The following ACO2 variants were observed in gnomAD, a reference collection of about 807,000 sequenced individuals.
ACO2 encodes aconitase 2.
A neutral mutation model predicts 84.5 loss-of-function variants in ACO2; 31 were observed. The observed-to-expected ratio is 0.37, with a 90% CI of 0.28 to 0.50. The LOEUF (loss-of-function observed/expected upper bound fraction) is 0.50. ACO2 is among the 20% of genes least tolerant of loss of function. The probability of loss-of-function intolerance (pLI) is 0.97; values close to 1 mark genes in which losing one functional copy is unlikely to be tolerated. For synonymous variants in ACO2, 414 were observed against 412.7 expected, an observed-to-expected ratio of 1.00 and a Z score of -0.04; for missense variants, 685 against 1,029.3, an observed-to-expected ratio of 0.67 and a Z score of 4.58.
intron 1 of ACO2, among the ~76,000 whole-genome samples, chr22:41,484,106 G>C (rs562897509): frequency 3.0e-4 from 45 of 152,296 alleles, no homozygotes; most frequent in African/African-American, 9.9e-4. Context: ...TGGGACTTGA[G>C]TCCTGGTTTC....
At chr22:41,470,723 A>G (rs1301029116) in intron 1 of ACO2, among the ~76,000 whole-genome samples, 2 of 151,786 alleles carry the variant, frequency 1.3e-5, no homozygotes, top group South Asian at 2.1e-4. Context: ...TTGTATTTTT[A>G]GTAGAGACGG....
intron 11 of ACO2, 30 bp from the exon 12 acceptor site, chr22:41,523,800 T>G (rs752083092): frequency 6.3e-7 from 1 of 1,589,098 alleles, no homozygotes; most frequent in Admixed American, 1.7e-5. Context: ...AGGCCAGATA[T>G]CCCTAACCCT....
chr22:41,527,563 G>A (rs763508818), intron 16 of ACO2, 143 bp downstream of exon 16: 4 of 1,187,960 alleles, frequency 3.4e-6, no homozygotes, highest in African/African-American at 1.5e-5. Context: ...CCCCTTCTTA[G>A]GCTCACACAG....
In ACO2 at chr22:41,517,621, C is replaced by T. The variant is rs148465407; in HGVS notation, c.930C>T (p.Thr310=). The change falls in exon 7 of 18, where the codon ACC becomes ACT. Residue 310 remains threonine (T), a synonymous_variant. Transcript: ENST00000216254. ...NHRMKKYLSK[T]GREDIANLAD... Reference sequence around the variant, plus strand: ...GGATGAAGAAGTACCTGAGCAAGACCGGCCGGGAAGGTGAGCTGGCAGGGG... The same window carrying T: ...GGATGAAGAAGTACCTGAGCAAGACTGGCCGGGAAGGTGAGCTGGCAGGGG... The T allele has an allele frequency of 4.8e-5, 78 of 1,613,826 alleles. 1 individual carries two copies. Among genetic ancestry groups the T allele is most frequent in the African/African-American group, 1.9e-4 (14 of 74,934 alleles).
At chr22:41,481,599 T>C (rs146477772) in intron 1 of ACO2, among the ~76,000 whole-genome samples, 167 of 152,382 alleles carry the variant, frequency 1.1e-3, no homozygotes, top group African/African-American at 3.9e-3. Flanking sequence ...GGGCAGCATG[T>C]CTGACTTTGG....
chr22:41,518,426 T>G (rs1601920375), intron 7 of ACO2, 55 bp from the exon 8 acceptor site: 3 of 1,410,010 alleles, frequency 2.1e-6, no homozygotes, highest in South Asian at 2.3e-5. Flanking sequence ...GTGAGTGAAC[T>G]CTCAAGAACA....
chr22:41,518,891 A>G (rs1354628043), intron 8 of ACO2, among the ~76,000 whole-genome samples: 1 of 152,210 alleles, frequency 6.6e-6, no homozygotes, highest in African/African-American at 2.4e-5. Context: ...GGTTGCAGTC[A>G]GCCGAGATCG....
At chr22:41,496,934 A>G (rs2066318164) in intron 1 of ACO2, among the ~76,000 whole-genome samples, 1 of 151,992 alleles carries the variant, frequency 6.6e-6, no homozygotes, top group African/African-American at 2.4e-5. Flanking sequence ...CAGCGTTTGG[A>G]TTATATATCC....
At chr22:41,509,483 G>A (rs2066418376) in intron 3 of ACO2, among the ~76,000 whole-genome samples, 1 of 152,126 alleles carries the variant, frequency 6.6e-6, no homozygotes, top group Non-Finnish European at 1.5e-5. Flanking sequence ...GCGGGACTTG[G>A]TCAGTATAAA....
intron 1 of ACO2, among the ~76,000 whole-genome samples, chr22:41,474,526 C>T (rs1389382900): frequency 6.7e-6 from 1 of 149,632 alleles, no homozygotes; most frequent in Non-Finnish European, 1.5e-5. Flanking sequence ...ATCTCCTGAC[C>T]TCATGATCCG....
rs61736478 is a variant in ACO2, at chr22:41,527,927, C to T, written c.2113C>T (p.Leu705=). The T allele has an allele frequency of 6.3e-5, 101 of 1,614,084 alleles. No individual in the cohort carries two copies. In the Admixed American group the frequency reaches 1.6e-3, roughly 26 times the overall value. ...GACCAACCTGAAGAAACAGGGCCTGCTGCCTCTGACCTTCGCTGACCCGGC... is the reference window on the plus strand; with the variant it reads ...GACCAACCTGAAGAAACAGGGCCTGTTGCCTCTGACCTTCGCTGACCCGGC... The part of the protein sequence containing the change: ...HETNLKKQGL[L]PLTFADPADY... The change falls in exon 17 of 18, where the codon CTG becomes TTG. Residue 705 remains leucine (L), a synonymous_variant. Coordinates refer to ENST00000216254, the MANE Select transcript of ACO2 (RefSeq NM_001098.3).
At position 41,515,554 on chromosome 22, in the gene ACO2, T is replaced by G; in HGVS notation, c.684+19T>G. ...CCCCAAGGTGAGGGTGGGGAGGGAC[T>G]CATTCTGGGCTGGCTGTGGGGTGGT... On this transcript the variant is annotated intron_variant, in intron 5 of 17. Transcript: ENST00000216254. This position sits in a 1 kb window ranked among gnomAD's most constrained non-coding sequence, Gnocchi z 5.8. 6.3e-7 allele frequency: 1 copy of G among 1,599,510 alleles called. No homozygotes were observed. Among genetic ancestry groups the G allele is most frequent in the Non-Finnish European group, 8.5e-7 (1 of 1,172,472 alleles).
chr22:41,511,743 C>G (rs2066434352), intron 3 of ACO2, 133 bp from the exon 4 acceptor site: 1 of 621,448 alleles, frequency 1.6e-6, no homozygotes, highest in Non-Finnish European at 2.7e-6. Context: ...TAGAAGGTCT[C>G]TAAGAGAGGG....
rs1311508638 is a variant in ACO2 at position 41,469,142 on chromosome 22, A to T, written c.-5A>T. On this transcript the variant is annotated 5_prime_UTR_variant, in exon 1 of 18. Coordinates refer to ENST00000216254, the MANE Select transcript of ACO2 (RefSeq NM_001098.3). ...AATGCGACCTCATCTTTGTCAGTGC[A>T]CAAAATGGCGCCCTACAGCCTACTG... 2.5e-6 allele frequency: 4 copies of T among 1,608,994 alleles called. No homozygotes were observed. The highest frequency in any genetic ancestry group is 3.4e-6 in the Non-Finnish European group (4 of 1,177,558).
rs926246283 is a variant in ACO2, at chr22:41,504,711, CTT to C, written c.174-3051_174-3050del. Among the ~76,000 whole-genome samples the C allele has an allele frequency of 5.1e-4, 25 of 48,588 alleles. 1 individual carries two copies. The highest frequency in any genetic ancestry group is 1.8e-3 in the African/African-American group (23 of 12,918). The allele number at this position is 48,588 out of a possible 152,430, so 31.9% of individuals were successfully genotyped here. A position where few individuals can be genotyped will look rare whatever the true frequency, so the allele number is the denominator to read the frequency against. On this transcript the variant is annotated intron_variant, in intron 2 of 17. Coordinates refer to ENST00000216254, the MANE Select transcript of ACO2 (RefSeq NM_001098.3). ...GCCAGCAGATCCAGCACCTTAGGGA[CTT>C]TTTTTTTTTTTTTTTTTTTTTTTTT...
At chr22:41,508,102 G>C (rs2066407941) in intron 3 of ACO2, 53 bp downstream of exon 3, 1 of 1,569,814 alleles carries the variant, frequency 6.4e-7, no homozygotes, top group Non-Finnish European at 8.7e-7. Flanking sequence ...TGGGCGAGAG[G>C]CCTCACCCTC....
chr22:41,516,900 A>AT (rs140798328), intron 6 of ACO2, among the ~76,000 whole-genome samples: 6,447 of 149,766 alleles, frequency 0.043, 418 homozygotes, highest in African/African-American at 0.15. Flanking sequence ...TTTTTTTTGT[A>AT]TTTTTTTTTA....
chr22:41,519,807 CA>C (rs11426442), intron 8 of ACO2, among the ~76,000 whole-genome samples: 182 of 134,696 alleles, frequency 1.4e-3, no homozygotes, highest in Non-Finnish European at 1.5e-3. Context: ...GACTCCATCT[CA>C]AAAAAAAAAA....
chr22:41,524,825 A>G, intron 12 of ACO2, 21 bp from the exon 13 acceptor site: 2 of 1,614,038 alleles, frequency 1.2e-6, no homozygotes, highest in Non-Finnish European at 1.7e-6. Flanking sequence ...CTGACCAACA[A>G]ACTGGCCACC....
Sources: gnomAD v4.1 joint callset for allele counts (sites outside exome capture counted in the v4.1 genomes callset) on GRCh38, gnomAD v4.1.1 for gene constraint, Gnocchi (gnomAD v3.1) non-coding constraint, MANE v1.5 for transcripts, NCBI Gene and HGNC (gene_info 2026-07-23, HGNC 2026-07-21) for gene names.